Variants in SLCO3A1 observed in about 807,000 individuals in gnomAD.
SLCO3A1 encodes the protein solute carrier organic anion transporter family member 3A1.
A neutral mutation model predicts 63.1 loss-of-function variants in SLCO3A1; 27 were observed. That is an observed-to-expected ratio of 0.43 (90% CI 0.32 to 0.59). The LOEUF is 0.59. SLCO3A1 is among the 20% of genes least tolerant of loss of function. The pLI, the probability that SLCO3A1 is intolerant of heterozygous loss-of-function variation, is 0.09. For missense variants in SLCO3A1, 773 were observed against 945.8 expected (o/e 0.82, Z 2.40); for synonymous variants, 473 against 409.9 (o/e 1.15, Z -1.86).
At chr15:92,134,204 A>G (rs1333906100) in intron 7 of SLCO3A1, among the ~76,000 whole-genome samples, 15 of 152,220 alleles carry the variant, frequency 9.9e-5, no homozygotes, top group African/African-American at 3.4e-4. Flanking sequence ...GTCTGGTTCC[A>G]AAGGCTTACG....
intron 1 of SLCO3A1, among the ~76,000 whole-genome samples, chr15:91,858,351 G>A (rs73547363): frequency 0.1 from 15,394 of 151,922 alleles, 2,511 homozygotes; most frequent in African/African-American, 0.35. Flanking sequence ...TTACTATGTA[G>A]CCCCAGGTAG....
chr15:92,122,274 G>A (rs73540481), intron 5 of SLCO3A1, among the ~76,000 whole-genome samples: 4,281 of 152,300 alleles, frequency 0.028, 199 homozygotes, highest in African/African-American at 0.097. Context: ...AGGCATGGGG[G>A]CAGCTACAGC....
chr15:92,079,261 C>G (rs1446847357), intron 2 of SLCO3A1, among the ~76,000 whole-genome samples: 73 of 152,320 alleles, frequency 4.8e-4, no homozygotes, highest in Non-Finnish European at 8.8e-5. Context: ...TCCAAGTACC[C>G]TCTCAAGTGT....
chr15:92,071,559 C>T (rs2047216270), intron 2 of SLCO3A1, among the ~76,000 whole-genome samples: 1 of 152,190 alleles, frequency 6.6e-6, no homozygotes, highest in Non-Finnish European at 1.5e-5. Context: ...GAATAATTGT[C>T]CGCCAGCACT....
At chr15:91,958,679 T>C (rs1008887088) in intron 2 of SLCO3A1, among the ~76,000 whole-genome samples, 4 of 152,150 alleles carry the variant, frequency 2.6e-5, no homozygotes, top group African/African-American at 7.2e-5. Flanking sequence ...TCATATACTA[T>C]AAAATTTGCC....
intron 1 of SLCO3A1, among the ~76,000 whole-genome samples, chr15:91,879,529 C>T (rs1352028390): frequency 6.6e-6 from 1 of 151,928 alleles, no homozygotes; most frequent in East Asian, 1.9e-4. Context: ...GATGCCTATA[C>T]ATGTAACAAA....
At chr15:91,890,504 A>G (rs982499436) in intron 1 of SLCO3A1, among the ~76,000 whole-genome samples, 3 of 152,126 alleles carry the variant, frequency 2.0e-5, no homozygotes, top group African/African-American at 7.2e-5. Context: ...TCTATCCCCT[A>G]TGCCTGGCAT....
intron 2 of SLCO3A1, among the ~76,000 whole-genome samples, chr15:91,930,834 T>C (rs1476532651): frequency 6.6e-6 from 1 of 152,222 alleles, no homozygotes; most frequent in Non-Finnish European, 1.5e-5. Flanking sequence ...TGCCGCGCTT[T>C]ATGGGAGGAA....
chr15:91,984,653 G>C (rs948494081), intron 2 of SLCO3A1, among the ~76,000 whole-genome samples: 4 of 152,174 alleles, frequency 2.6e-5, no homozygotes, highest in Non-Finnish European at 5.9e-5. Context: ...ATTGTAAAAT[G>C]TCTTACTAGC....
At chr15:92,125,428 G>A (rs1360158595) in intron 5 of SLCO3A1, among the ~76,000 whole-genome samples, 1 of 152,128 alleles carries the variant, frequency 6.6e-6, no homozygotes, top group Non-Finnish European at 1.5e-5. Flanking sequence ...GCCCTGGGTA[G>A]AAGAGAGAGA....
chr15:92,161,954 C>T (rs1290926889), intron 9 of SLCO3A1: 6 of 132,718 alleles, frequency 4.5e-5, no homozygotes, highest in Admixed American at 2.1e-4. Context: ...CACAGTATGC[C>T]GGCGCTGTGC....
At chr15:91,915,850 A>T in intron 1 of SLCO3A1, 143 bp from the exon 2 acceptor site, 2 of 694,784 alleles carry the variant, frequency 2.9e-6, no homozygotes, top group East Asian at 5.1e-5. Flanking sequence ...AGGCATTTAC[A>T]CAGCTGCCTT....
At chr15:92,156,664 A>ATTAAACCTTCCAGGAGAATACACTTT (rs1391889136) in intron 9 of SLCO3A1, among the ~76,000 whole-genome samples, 6 of 152,266 alleles carry the variant, frequency 3.9e-5, no homozygotes, top group African/African-American at 1.4e-4. Context: ...CAGAGAACTC[A>ATTAAACCTTCCAGGAGAATACACTTT]TTAAACCTTC....
intron 2 of SLCO3A1, among the ~76,000 whole-genome samples, chr15:92,029,540 A>C (rs747085537): frequency 4.6e-5 from 7 of 152,240 alleles, no homozygotes; most frequent in Non-Finnish European, 1.0e-4. Flanking sequence ...TTGTTTTCTC[A>C]TAAAGAAATA....
In SLCO3A1 at chr15:91,854,480, A is replaced by G. The variant is rs1050465644; in HGVS notation, c.180+392A>G. The stretch of plus-strand genomic sequence containing the variant: ...GTTTTCAGGTGACCTGCACATGGGA[A>G]GAAAAACCAGTTAGCATCCTGCGTC... On this transcript the variant is annotated intron_variant, in intron 1 of 9. Coordinates refer to ENST00000318445, the MANE Select transcript of SLCO3A1 (RefSeq NM_013272.4). This position sits in a 1 kb window ranked among gnomAD's most constrained non-coding sequence, Gnocchi z 6.4. 4.9e-5 allele frequency: 28 copies of G among 566,926 alleles called. No homozygotes were observed. The highest frequency in any genetic ancestry group is 6.1e-5 in the Non-Finnish European group (27 of 443,092). The allele number at this position is 566,926 out of a possible 1,614,324, so 35.1% of individuals were successfully genotyped here.
At position 91,949,287 on chromosome 15, in the gene SLCO3A1, G is replaced by A. The variant is rs149272165; in HGVS notation, c.646+32829G>A. ...CCACCATTTCCTGGCTGCATGATCC[G>A]GCACTAGGTTTCTCATCTGTTAGTG... is the stretch of plus-strand genomic sequence containing the variant. On this transcript the variant is annotated intron_variant, in intron 2 of 9. Transcript: ENST00000318445. Among the ~76,000 whole-genome samples the A allele has an allele frequency of 4.1e-3, 618 of 152,254 alleles. 5 individuals are homozygous for A. Among genetic ancestry groups the A allele is most frequent in the East Asian group, 0.014 (70 of 5,176 alleles).
chr15:92,105,753 A>T (rs2047660278), intron 4 of SLCO3A1, among the ~76,000 whole-genome samples: 1 of 152,186 alleles, frequency 6.6e-6, no homozygotes, highest in East Asian at 1.9e-4. Context: ...TTCCCAGGGA[A>T]GCTGGGATGC....
rs1024842972 is a variant in SLCO3A1, at chr15:92,080,011, G to A, written c.647-14870G>A. Among the ~76,000 whole-genome samples the A allele has an allele frequency of 2.6e-5, 4 of 152,250 alleles. No homozygotes were observed. In the South Asian group the frequency reaches 6.2e-4, roughly 24 times the overall value. On this transcript the variant is annotated intron_variant, in intron 2 of 9. Transcript: ENST00000318445. ...TTCTCTGGATGGATTTCCGGCCTGCGGCTAGCCAGCCAGAGAGGCATGTGC... is the reference window on the plus strand; with the variant it reads ...TTCTCTGGATGGATTTCCGGCCTGCAGCTAGCCAGCCAGAGAGGCATGTGC...
At position 92,124,106 on chromosome 15, in the gene SLCO3A1, C is replaced by T. The variant is rs1394402050; in HGVS notation, c.1175-1955C>T. On this transcript the variant is annotated intron_variant, in intron 5 of 9. Transcript: ENST00000318445. ...ACTTGGGAGATGAGGCCCAGGCAGTCATCCCAGAGCATCAGCACTGGCCCC... is the reference window on the plus strand; with the variant it reads ...ACTTGGGAGATGAGGCCCAGGCAGTTATCCCAGAGCATCAGCACTGGCCCC... Among the ~76,000 whole-genome samples the T allele has an allele frequency of 2.6e-5, 4 of 152,174 alleles. No homozygotes were observed. The East Asian group carries it at 5.8e-4, about 22-fold the overall frequency.
Sources: allele counts gnomAD v4.1 joint callset (sites outside exome capture counted in the v4.1 genomes callset), GRCh38; gene constraint gnomAD v4.1.1; non-coding constraint Gnocchi (gnomAD v3.1); transcripts MANE v1.5; gene names NCBI Gene and HGNC (gene_info 2026-07-23, HGNC 2026-07-21).